Variants in TNRC6B observed in about 807,000 individuals in gnomAD.
TNRC6B encodes trinucleotide repeat-containing gene 6B protein.
TNRC6B carries 52 observed loss-of-function variants against 203.6 expected under a neutral mutation model. The observed-to-expected ratio is 0.26, with a 90% CI of 0.20 to 0.32. The LOEUF (loss-of-function observed/expected upper bound fraction) is 0.32. Ranked by LOEUF, TNRC6B falls within the 10% of genes least tolerant of loss-of-function variation. The pLI, the probability that TNRC6B is intolerant of heterozygous loss-of-function variation, is 1.00. For synonymous variants in TNRC6B, 838 were observed against 845.7 expected (o/e 0.99, Z 0.16); for missense variants, 1,923 against 2,286.2 (o/e 0.84, Z 3.24).
At chr22:40,261,602 A>G (rs1018479706) in intron 3 of TNRC6B, among the ~76,000 whole-genome samples, 2 of 151,856 alleles carry the variant, frequency 1.3e-5, no homozygotes, top group Non-Finnish European at 2.9e-5. Flanking sequence ...TCAAAAATAA[A>G]TAAATAAATA....
intron 3 of TNRC6B, among the ~76,000 whole-genome samples, chr22:40,254,173 A>G (rs1304344198): frequency 6.6e-6 from 1 of 152,210 alleles, no homozygotes; most frequent in African/African-American, 2.4e-5. Context: ...AATAATAGAA[A>G]GCACTTAAGG....
chr22:40,252,009 A>G (rs1569038624), intron 3 of TNRC6B, among the ~76,000 whole-genome samples: 1 of 152,188 alleles, frequency 6.6e-6, no homozygotes, highest in African/African-American at 2.4e-5. Context: ...AAACAGAAGC[A>G]GGTGCCCCTT....
chr22:40,138,207 T>G (rs17323591), intron 3 of TNRC6B, among the ~76,000 whole-genome samples: 1 of 151,950 alleles, frequency 6.6e-6, no homozygotes, highest in Non-Finnish European at 1.5e-5. Context: ...AAAGAGTGGG[T>G]TAAATGATGC....
At chr22:40,279,683 G>C (rs756493927) in intron 9 of TNRC6B, among the ~76,000 whole-genome samples, 18 of 152,174 alleles carry the variant, frequency 1.2e-4, no homozygotes, top group Non-Finnish European at 2.1e-4. Context: ...CAGTCTAAAT[G>C]TTTTCTTAGC....
intron 1 of TNRC6B, among the ~76,000 whole-genome samples, chr22:40,243,256 T>G (rs926905817): frequency 6.6e-6 from 1 of 152,226 alleles, no homozygotes; most frequent in Non-Finnish European, 1.5e-5. Context: ...AGACTCACAC[T>G]ATTTGATTTA....
At chr22:40,120,437 A>G (rs1180935853) in intron 2 of TNRC6B, among the ~76,000 whole-genome samples, 2 of 152,042 alleles carry the variant, frequency 1.3e-5, no homozygotes, top group Non-Finnish European at 2.9e-5. Flanking sequence ...GGATATACAT[A>G]GAGAGAGATT....
chr22:40,297,251 C>T (rs1601500878), intron 12 of TNRC6B, among the ~76,000 whole-genome samples: 1 of 152,292 alleles, frequency 6.6e-6, no homozygotes, highest in African/African-American at 2.4e-5. Context: ...TAGTAACTGA[C>T]GATTCCTAGG....
At chr22:40,149,024 A>G (rs1309243891) in intron 3 of TNRC6B, among the ~76,000 whole-genome samples, 1 of 152,226 alleles carries the variant, frequency 6.6e-6, no homozygotes, top group African/African-American at 2.4e-5. Flanking sequence ...CAGCAGCCCT[A>G]GCAAACTAAT....
chr22:40,239,626 G>T (rs1354150773), intron 1 of TNRC6B, among the ~76,000 whole-genome samples: 1 of 152,156 alleles, frequency 6.6e-6, no homozygotes, highest in Admixed American at 6.5e-5. Flanking sequence ...ACTGTACTAT[G>T]AATGGCTTTG....
At chr22:40,121,244 G>GTCCT (rs1206479318) in intron 2 of TNRC6B, among the ~76,000 whole-genome samples, 1 of 137,784 alleles carries the variant, frequency 7.3e-6, no homozygotes, top group Non-Finnish European at 1.6e-5. Flanking sequence ...CCTCCCTTCC[G>GTCCT]TCCTTCCTTC....
chr22:40,195,941 T>G (rs1169901881), intron 1 of TNRC6B, among the ~76,000 whole-genome samples: 2 of 152,030 alleles, frequency 1.3e-5, no homozygotes, highest in African/African-American at 4.8e-5. Flanking sequence ...AGCTAATTTT[T>G]TTTGTTTGTT....
chr22:40,110,297 T>G (rs952624847), intron 1 of TNRC6B, among the ~76,000 whole-genome samples: 11 of 152,234 alleles, frequency 7.2e-5, no homozygotes, highest in Admixed American at 3.3e-4. Flanking sequence ...TGCTTAATTC[T>G]TATGTGACCA....
rs117665096 is a variant in TNRC6B at position 40,109,931 on chromosome 22, C to T, written c.-120-7124C>T. Among the ~76,000 whole-genome samples the T allele has an allele frequency of 1.7e-3, 260 of 152,222 alleles. 7 individuals are homozygous for T. The East Asian group carries it at 0.044, about 26-fold the overall frequency. Reference sequence around the variant, plus strand: ...TTTTAGACTTCCAAGGTACACAGTGCGGGGCACAGCATAAACAATTGTTAA... The same window carrying T: ...TTTTAGACTTCCAAGGTACACAGTGTGGGGCACAGCATAAACAATTGTTAA... On this transcript the variant is annotated intron_variant, in intron 1 of 23. Transcript: ENST00000301923.
intron 1 of TNRC6B, among the ~76,000 whole-genome samples, chr22:40,053,179 CTA>C (rs2067765795): frequency 7.0e-6 from 1 of 143,796 alleles, no homozygotes; most frequent in African/African-American, 2.6e-5. Context: ...AAAAAAAAAA[CTA>C]TGTTTAGATA....
chr22:40,056,452 A>T (rs1460978348), intron 1 of TNRC6B, among the ~76,000 whole-genome samples: 1 of 152,236 alleles, frequency 6.6e-6, no homozygotes, highest in Non-Finnish European at 1.5e-5. Flanking sequence ...GAAAGGACAG[A>T]GAAAAATGGA....
chr22:40,291,897 A>G (rs748707652), intron 12 of TNRC6B, among the ~76,000 whole-genome samples: 14 of 152,264 alleles, frequency 9.2e-5, no homozygotes, highest in Non-Finnish European at 1.8e-4. Flanking sequence ...TAATGTAAAC[A>G]TAGAAGATAC....
intron 3 of TNRC6B, among the ~76,000 whole-genome samples, chr22:40,154,839 T>TGAAAAAAA (rs1569000652): frequency 8.2e-5 from 1 of 12,168 alleles, no homozygotes; most frequent in African/African-American, 4.0e-4. Context: ...AGACTCTATC[T>TGAAAAAAA]CAAAAAAAAA....
intron 12 of TNRC6B, among the ~76,000 whole-genome samples, chr22:40,289,514 C>A (rs1188732773): frequency 6.6e-6 from 1 of 152,146 alleles, no homozygotes; most frequent in Non-Finnish European, 1.5e-5. Flanking sequence ...CTCAGTGTAT[C>A]AGCAGCATTT....
chr22:40,124,540 C>T (rs1048467515), intron 2 of TNRC6B, among the ~76,000 whole-genome samples: 3 of 152,012 alleles, frequency 2.0e-5, no homozygotes, highest in Non-Finnish European at 4.4e-5. Flanking sequence ...TGGTCTTGAA[C>T]GCGTTAGCTC....
Sources: gnomAD v4.1 joint callset for allele counts (sites outside exome capture counted in the v4.1 genomes callset) on GRCh38, gnomAD v4.1.1 for gene constraint, MANE v1.5 for transcripts, NCBI Gene and HGNC (gene_info 2026-07-23, HGNC 2026-07-21) for gene names.